KL: variants seen among roughly 807,000 people sequenced by gnomAD.
KL encodes the protein klotho.
KL carries 62 observed loss-of-function variants against 84.2 expected under a neutral mutation model. That is an observed-to-expected ratio of 0.74 (90% confidence interval 0.60 to 0.91). The LOEUF (loss-of-function observed/expected upper bound fraction) is 0.91, where lower values mean the gene tolerates loss of function less well. Ranked by LOEUF, KL falls within the 40% of genes least tolerant of loss-of-function variation. The probability of loss-of-function intolerance (pLI) is 0.00; values close to 1 mark genes in which losing one functional copy is unlikely to be tolerated. For missense variants in KL, 1,261 were observed against 1,305.7 expected, an observed-to-expected ratio of 0.97 and a Z score of 0.53; for synonymous variants, 528 against 528.0, an observed-to-expected ratio of 1.00 and a Z score of 0.00.
chr13:33,061,670 G>T lies in KL; in HGVS notation c.2591G>T (p.Gly864Val), dbSNP rs755631663. 4 of 1,614,146 alleles carry T rather than the reference G, an allele frequency of 2.5e-6. No homozygotes were observed. Among genetic ancestry groups the T allele is most frequent in the Non-Finnish European group, 2.5e-6 (3 of 1,180,004 alleles). Residue 864 changes from glycine to valine, a missense_variant, in exon 4 of 5, where the codon GGA becomes GTA. Physicochemically the swap from Gly to Val is moderately radical, Grantham distance 109 (BLOSUM62 -3). Transcript: ENST00000380099. ...KVLNWLKFKY[G>V]DLPMYIISNG... ...CTGAACTGGCTGAAGTTCAAGTACG[G>T]AGACCTCCCCATGTACATAATATCC...
intron 1 of KL, among the ~76,000 whole-genome samples, chr13:33,040,445 C>T (rs188836943): frequency 6.6e-6 from 1 of 152,240 alleles, no homozygotes; most frequent in East Asian, 1.9e-4. Context: ...AATCCTTTGA[C>T]CTTTTTGAAA....
intron 1 of KL, among the ~76,000 whole-genome samples, chr13:33,030,226 T>C (rs1870928275): frequency 6.6e-6 from 1 of 152,140 alleles, no homozygotes; most frequent in Non-Finnish European, 1.5e-5. Flanking sequence ...TTAATACTAT[T>C]ACAATGGCAA....
At chr13:33,050,899 T>G (rs1202926398) in intron 1 of KL, among the ~76,000 whole-genome samples, 1 of 152,180 alleles carries the variant, frequency 6.6e-6, no homozygotes, top group Non-Finnish European at 1.5e-5. Flanking sequence ...TCATTCCCAC[T>G]TGTACAGAGC....
chr13:33,051,059 T>G lies in KL; in HGVS notation c.820-2708T>G, dbSNP rs570879472. On this transcript the variant is annotated intron_variant, in intron 1 of 4. Coordinates refer to ENST00000380099, the MANE Select transcript of KL (RefSeq NM_004795.4). Reference sequence around the variant, plus strand: ...GGGGTTGTTTCCTCCACCTGCAATATTCTTCCTTTTGGTTTGTTCATCCTC... The same window carrying G: ...GGGGTTGTTTCCTCCACCTGCAATAGTCTTCCTTTTGGTTTGTTCATCCTC... Among the ~76,000 whole-genome samples the G allele has an allele frequency of 3.9e-5, 6 of 152,350 alleles. No homozygotes were observed. In the East Asian group the frequency reaches 1.2e-3, roughly 29 times the overall value.
At position 33,054,043 on chromosome 13, in the gene KL, T is replaced by A. The variant is rs752047725; in HGVS notation, c.1096T>A (p.Phe366Ile). Residue 366 changes from phenylalanine to isoleucine, a missense_variant, in exon 2 of 5, where the codon TTT becomes ATT. By Grantham distance (21) the Phe-to-Ile change is conservative (BLOSUM62 0). Coordinates refer to ENST00000380099, the MANE Select transcript of KL (RefSeq NM_004795.4). ...AAAGTTCATCAAAGGAACTGCTGAC[T>A]TTTTTGCTCTTTGCTTTGGACCCAC... is the stretch of plus-strand genomic sequence containing the variant. ...EKKFIKGTAD[F>I]FALCFGPTLS... 1 of 1,612,890 alleles carries A rather than the reference T, an allele frequency of 6.2e-7. No individual in the cohort carries two copies. Among genetic ancestry groups the A allele is most frequent in the Non-Finnish European group, 8.5e-7 (1 of 1,179,032 alleles).
chr13:33,055,918 C>T (rs522796), intron 3 of KL, among the ~76,000 whole-genome samples: 82,648 of 152,080 alleles, frequency 0.54, 23,056 homozygotes, highest in Middle Eastern at 0.63. Flanking sequence ...TTCTTTCAGA[C>T]TTCCTAAATT....
In KL at chr13:33,017,079, C is replaced by G. The variant is rs387907445; in HGVS notation, c.639C>G (p.Ala213=). The G allele has an allele frequency of 8.1e-6, 13 of 1,604,320 alleles. No homozygotes were observed. Among genetic ancestry groups the G allele is most frequent in the Non-Finnish European group, 1.0e-5 (12 of 1,179,264 alleles). Residue 213 remains alanine (A), a synonymous_variant, in exon 1 of 5, where the codon GCC becomes GCG. Coordinates refer to ENST00000380099, the MANE Select transcript of KL (RefSeq NM_004795.4). ...GCGGCTGGGCCAACCGCGCCCTGGC[C>G]GACCACTTCAGGGATTACGCGGAGC... is the stretch of plus-strand genomic sequence containing the variant. ...AYGGWANRAL[A]DHFRDYAELC...
rs754840204 is a variant in KL at position 33,061,194 on chromosome 13, G to A, written c.2115G>A (p.Lys705=). 3 of 1,614,258 alleles carry A rather than the reference G, an allele frequency of 1.9e-6. No homozygotes were observed. The highest frequency in any genetic ancestry group is 1.1e-5 in the South Asian group (1 of 91,088). Residue 705 remains lysine (K), a synonymous_variant, in exon 4 of 5, where the codon AAG becomes AAA. Coordinates refer to ENST00000380099, the MANE Select transcript of KL (RefSeq NM_004795.4). ...ACAGTGCTGGCCACAACCTTCTGAA[G>A]GCCCATGCCCTGGCTTGGCATGTGT... is the stretch of plus-strand genomic sequence containing the variant. ...MTYSAGHNLL[K]AHALAWHVYN...
chr13:33,054,572 A>C (rs543212746), intron 2 of KL, among the ~76,000 whole-genome samples: 1 of 152,374 alleles, frequency 6.6e-6, no homozygotes, highest in Admixed American at 6.5e-5. Context: ...AACAAATCCC[A>C]GGATATCTAG....
At chr13:33,024,704 C>T (rs954595352) in intron 1 of KL, among the ~76,000 whole-genome samples, 3 of 152,190 alleles carry the variant, frequency 2.0e-5, no homozygotes, top group African/African-American at 4.8e-5. Context: ...TTTGATTTCT[C>T]ATCATGTGGT....
chr13:33,064,097 G>A lies in KL; in HGVS notation c.2950G>A (p.Ala984Thr). ...TTTTCACACCCGAAAGTCTTTACTGGCTTTCATAGCTTTTCTATTTTTTGC... is the reference window on the plus strand; with the variant it reads ...TTTTCACACCCGAAAGTCTTTACTGACTTTCATAGCTTTTCTATTTTTTGC... ...SFFHTRKSLL[A>T]FIAFLFFASI... The change falls in exon 5 of 5, where the codon GCT becomes ACT. Residue 984 changes from alanine (A) to threonine (T), a missense_variant. Coordinates refer to ENST00000380099, the MANE Select transcript of KL (RefSeq NM_004795.4). 6.2e-7 allele frequency: 1 copy of A among 1,613,726 alleles called. No individual in the cohort carries two copies. Among genetic ancestry groups the A allele is most frequent in the African/African-American group, 1.3e-5 (1 of 74,974 alleles).
Position 33,016,977 on chromosome 13 carries a change from G to C in KL, c.537G>C (p.Arg179=), listed in dbSNP as rs769292412. 151 of 1,595,078 alleles carry C rather than the reference G, an allele frequency of 9.5e-5. 1 individual carries two copies. The Admixed American group carries it at 2.6e-3, about 27-fold the overall frequency. ...GCTACTACCGGCGCCTGCTGGAGCG[G>C]CTGCGGGAGCTGGGCGTGCAGCCCG... ...GLRYYRRLLE[R]LRELGVQPVV... is the part of the protein sequence containing the mutation. The change falls in exon 1 of 5, where the codon CGG becomes CGC. Residue 179 remains arginine, a synonymous_variant. Coordinates refer to ENST00000380099, the MANE Select transcript of KL (RefSeq NM_004795.4).
chr13:33,053,682 T>C (rs1418228342), intron 1 of KL, 85 bp from the exon 2 acceptor site: 1 of 1,248,838 alleles, frequency 8.0e-7, no homozygotes, highest in Middle Eastern at 1.9e-4. Context: ...GAGAAACAGA[T>C]ATAATCTGAT....
At chr13:33,033,254 CAGTG>C (rs754274956) in intron 1 of KL, among the ~76,000 whole-genome samples, 5 of 152,300 alleles carry the variant, frequency 3.3e-5, no homozygotes, top group East Asian at 1.9e-4. Flanking sequence ...TACTGCTACT[CAGTG>C]AGAAATACGG....
At chr13:33,020,533 C>T (rs1389254606) in intron 1 of KL, among the ~76,000 whole-genome samples, 1 of 139,532 alleles carries the variant, frequency 7.2e-6, no homozygotes, top group Non-Finnish European at 1.6e-5. Context: ...GTCTAATGGG[C>T]ATGTCACATC....
chr13:33,038,140 A>G (rs1448309061), intron 1 of KL, among the ~76,000 whole-genome samples: 1 of 152,228 alleles, frequency 6.6e-6, no homozygotes, highest in Non-Finnish European at 1.5e-5. Context: ...TGTCTCAGAA[A>G]TTTATGCTAA....
chr13:33,016,481 C>T lies in KL; in HGVS notation c.41C>T (p.Pro14Leu). Residue 14 changes from proline (P) to leucine (L), a missense_variant, in exon 1 of 5, where the codon CCG becomes CTG. By Grantham distance (98) the Pro-to-Leu change is moderately conservative. Transcript: ENST00000380099. The stretch of plus-strand genomic sequence containing the variant: ...CCGCCGCGCCGCCCGCGGCCGCCGC[C>T]GCCGTCGCTGTCGCTGCTGCTGGTG... Reference protein sequence around the residue: ...SAPPRRPRPPPPSLSLLLVLL... With the variant: ...SAPPRRPRPPLPSLSLLLVLL... The T allele has an allele frequency of 4.4e-6, 5 of 1,139,006 alleles. No individual in the cohort carries two copies. The highest frequency in any genetic ancestry group is 5.4e-6 in the Non-Finnish European group (5 of 929,484). 70.6% of individuals were successfully genotyped at this position (1,139,006 alleles called of 1,614,324 possible). A position where few individuals can be genotyped will look rare whatever the true frequency, so the allele number is the denominator to read the frequency against.
chr13:33,050,497 C>T (rs1303722821), intron 1 of KL, among the ~76,000 whole-genome samples: 1 of 152,104 alleles, frequency 6.6e-6, no homozygotes, highest in East Asian at 1.9e-4. Flanking sequence ...CCTCCGTGTG[C>T]CAGGGAGGGA....
intron 1 of KL, among the ~76,000 whole-genome samples, chr13:33,049,280 T>TC (rs1263474518): frequency 6.6e-6 from 1 of 152,206 alleles, no homozygotes; most frequent in Non-Finnish European, 1.5e-5. Flanking sequence ...GTTGCTTCTG[T>TC]CCTAGACCCT....
Sources: allele counts gnomAD v4.1 joint callset (sites outside exome capture counted in the v4.1 genomes callset), GRCh38; gene constraint gnomAD v4.1.1; transcripts MANE v1.5; gene names NCBI Gene and HGNC (gene_info 2026-07-23, HGNC 2026-07-21).